NAB2: variants seen among roughly 807,000 people sequenced by gnomAD.
NAB2 encodes the protein NGFI-A-binding protein 2.
NAB2 carries 9 observed loss-of-function variants against 44.2 expected under a neutral mutation model. The observed-to-expected ratio is 0.20, with a 90% CI of 0.12 to 0.36. NAB2 has a LOEUF of 0.36. Ranked by LOEUF, NAB2 falls within the 10% of genes least tolerant of loss-of-function variation. The pLI is 1.00. For synonymous variants in NAB2, 342 were observed against 291.0 expected, an observed-to-expected ratio of 1.18 and a Z score of -1.78; for missense variants, 514 against 709.0, an observed-to-expected ratio of 0.73 and a Z score of 3.12.
intron 1 of NAB2, among the ~76,000 whole-genome samples, 189 bp from the exon 2 acceptor site, chr12:57,090,936 T>C (rs1173876080): frequency 6.6e-6 from 1 of 152,220 alleles, no homozygotes. Context: ...CGGCACTGGC[T>C]TGTCCATGCC....
At chr12:57,092,111 C>G (rs1312304138) in intron 2 of NAB2, 113 bp downstream of exon 2, 1 of 1,451,122 alleles carries the variant, frequency 6.9e-7, no homozygotes, top group Non-Finnish European at 9.1e-7. Context: ...GACCAGGACC[C>G]CAGGCCCTGA....
chr12:57,092,489 C>G lies in NAB2; in HGVS notation c.999C>G (p.Asp333Glu). ...NEAAAQFCMR[D>E]NTLLLRRVEL... ...CTGCTGCCCAGTTCTGCATGAGGGACAACACGCTCTTATTACGGAGAGTGG... is the reference window on the plus strand; with the variant it reads ...CTGCTGCCCAGTTCTGCATGAGGGAGAACACGCTCTTATTACGGAGAGTGG... Residue 333 changes from aspartate to glutamate, a missense_variant, in exon 3 of 7, where the codon GAC becomes GAG. Asp to Glu is a conservative substitution (Grantham distance 45). Around this residue, in one of 5 missense-constraint regions of NAB2, gnomAD observed 53 missense variants for 108.5 expected, o/e 0.49. Coordinates refer to ENST00000300131, the MANE Select transcript of NAB2 (RefSeq NM_005967.4). The G allele has an allele frequency of 6.2e-7, 1 of 1,614,216 alleles. No homozygotes were observed. Among genetic ancestry groups the G allele is most frequent in the Non-Finnish European group, 8.5e-7 (1 of 1,180,032 alleles).
At chr12:57,093,701 G>T (rs961997639) in intron 6 of NAB2, 103 bp downstream of exon 6, 1 of 1,234,482 alleles carries the variant, frequency 8.1e-7, no homozygotes, top group East Asian at 2.8e-5. Context: ...GGATATAGTC[G>T]TCAGAGAGGG....
At chr12:57,094,130 G>C (rs1384579269) in intron 6 of NAB2, among the ~76,000 whole-genome samples, 1 of 151,976 alleles carries the variant, frequency 6.6e-6, no homozygotes, top group African/African-American at 2.4e-5. Flanking sequence ...TGGGAAGTGG[G>C]GGCGGGGACT....
At chr12:57,089,465 T>TGGGGGGGGGG in intron 1 of NAB2, 111 bp downstream of exon 1, 1 of 106,198 alleles carries the variant, frequency 9.4e-6, no homozygotes, top group Admixed American at 1.7e-4. Context: ...AGGACGGGGG[T>TGGGGGGGGGG]GGGGGGTGGA....
chr12:57,091,023 G>C lies in NAB2; in HGVS notation c.84-102G>C. The C allele has an allele frequency of 9.6e-7, 1 of 1,042,598 alleles. No individual in the cohort carries two copies. 64.6% of individuals were successfully genotyped at this position (1,042,598 alleles called of 1,614,324 possible). A position where few individuals can be genotyped will look rare whatever the true frequency, so the allele number is the denominator to read the frequency against. Reference sequence around the variant, plus strand: ...AGGATAGCATCCAAATGAGGGAGGGGAAGAAAAGCAGGCAGGAAAGAGGGA... The same window carrying C: ...AGGATAGCATCCAAATGAGGGAGGGCAAGAAAAGCAGGCAGGAAAGAGGGA... On this transcript the variant is annotated intron_variant, in intron 1 of 6. Coordinates refer to ENST00000300131, the MANE Select transcript of NAB2 (RefSeq NM_005967.4). This position sits in a 1 kb window ranked among gnomAD's most constrained non-coding sequence, Gnocchi z 7.3.
chr12:57,090,476 CAAATAAATAAATAAAT>C (rs71446599), intron 1 of NAB2, among the ~76,000 whole-genome samples: 3 of 150,390 alleles, frequency 2.0e-5, no homozygotes, highest in Non-Finnish European at 4.4e-5. Context: ...GACTCCGTCT[CAAATAAATAAATAAAT>C]AAATAAATAA....
In NAB2 at chr12:57,091,199, A is replaced by G. The variant is rs763303343; in HGVS notation, c.158A>G (p.Asn53Ser). ...CTGTACCGGGTCCTGCAGCGCGCCA[A>G]CCTCCTTTCCTACTATGAGACCTTC... ...LQLYRVLQRA[N>S]LLSYYETFIQ... is the part of the protein sequence containing the mutation. The change falls in exon 2 of 7, where the codon AAC (asparagine) becomes AGC (serine). Residue 53 changes from asparagine to serine, a missense_variant. Physicochemically the swap from Asn to Ser is conservative, Grantham distance 46. Transcript: ENST00000300131. This position sits in a 1 kb window ranked among gnomAD's most constrained non-coding sequence, Gnocchi z 7.3. The G allele has an allele frequency of 1.3e-6, 2 of 1,565,376 alleles. No individual in the cohort carries two copies. Among genetic ancestry groups the G allele is most frequent in the Non-Finnish European group, 1.7e-6 (2 of 1,151,042 alleles).
chr12:57,091,096 T>A lies in NAB2; in HGVS notation c.84-29T>A. ...ACCCAGTAGGGGGACTTGCACCGAC[T>A]GCCTCTCTCTTGTGCCCCTCCTTCT... On this transcript the variant is annotated intron_variant, in intron 1 of 6. Transcript: ENST00000300131. The surrounding 1 kb of genome is among the most constrained non-coding windows in gnomAD (Gnocchi z 7.3). 6.7e-7 allele frequency: 1 copy of A among 1,496,990 alleles called. No homozygotes were observed. The highest frequency in any genetic ancestry group is 8.9e-7 in the Non-Finnish European group (1 of 1,120,370). The allele number at this position is 1,496,990 out of a possible 1,614,324, so 92.7% of individuals were successfully genotyped here.
Position 57,089,215 on chromosome 12 carries a change from A to C in NAB2, c.-57A>C. On this transcript the variant is annotated 5_prime_UTR_variant, in exon 1 of 7. Transcript: ENST00000300131. ...GTGCGCGGGGAAGAGGGCAGCACGC[A>C]GCAGGCGCCGAGCGCCGGGCACCGA... 6.6e-7 allele frequency: 1 copy of C among 1,522,594 alleles called. No individual in the cohort carries two copies. 94.3% of individuals were successfully genotyped at this position (1,522,594 alleles called of 1,614,324 possible). A position where few individuals can be genotyped will look rare whatever the true frequency, so the allele number is the denominator to read the frequency against.
Position 57,091,040 on chromosome 12 carries a change from A to C in NAB2, c.84-85A>C. 1 of 1,192,982 alleles carries C rather than the reference A, an allele frequency of 8.4e-7. No homozygotes were observed. Among genetic ancestry groups the C allele is most frequent in the Non-Finnish European group, 1.2e-6 (1 of 859,016 alleles). The allele number at this position is 1,192,982 out of a possible 1,614,324, so 73.9% of individuals were successfully genotyped here. On this transcript the variant is annotated intron_variant, in intron 1 of 6. Coordinates refer to ENST00000300131, the MANE Select transcript of NAB2 (RefSeq NM_005967.4). This position sits in a 1 kb window ranked among gnomAD's most constrained non-coding sequence, Gnocchi z 7.3. ...AGGGAGGGGAAGAAAAGCAGGCAGG[A>C]AAGAGGGAACAATTGTTAGTGTGGG...
chr12:57,092,325 A>G (rs990294180), intron 2 of NAB2, 123 bp from the exon 3 acceptor site: 12 of 1,423,852 alleles, frequency 8.4e-6, no homozygotes, highest in Non-Finnish European at 1.1e-5. Flanking sequence ...ATGTAGTGTC[A>G]AAACCAAAGC....
In NAB2 at chr12:57,092,560, T is replaced by C; in HGVS notation, c.1070T>C (p.Leu357Ser). The change falls in exon 3 of 7, where the codon TTG (leucine) becomes TCG (serine). Residue 357 changes from leucine to serine, a missense_variant. Leu to Ser is a moderately radical substitution (Grantham distance 145, BLOSUM62 -2). Around this residue, in one of 5 missense-constraint regions of NAB2, gnomAD observed 53 missense variants for 108.5 expected, o/e 0.49. Transcript: ENST00000300131. ...SRQVARESTY[L>S]SSLKGSRLHP... ...CAAGTAGCCCGAGAGAGCACCTACTTGTCCTCCTTGAAGGGCTCCAGGTGA... is the reference window on the plus strand; with the variant it reads ...CAAGTAGCCCGAGAGAGCACCTACTCGTCCTCCTTGAAGGGCTCCAGGTGA... The C allele has an allele frequency of 6.2e-7, 1 of 1,614,210 alleles. No homozygotes were observed.
Position 57,091,168 on chromosome 12 carries a change from C to T in NAB2, c.127C>T (p.Leu43=). ...AMALPRTLGE[L]QLYRVLQRAN... The stretch of plus-strand genomic sequence containing the variant: ...GGCACTGCCTCGGACGCTGGGGGAG[C>T]TGCAGCTGTACCGGGTCCTGCAGCG... Residue 43 remains leucine, a synonymous_variant, in exon 2 of 7, where the codon CTG becomes TTG. Transcript: ENST00000300131. The surrounding 1 kb of genome is among the most constrained non-coding windows in gnomAD (Gnocchi z 7.3). 1 of 1,533,050 alleles carries T rather than the reference C, an allele frequency of 6.5e-7. No individual in the cohort carries two copies. Among genetic ancestry groups the T allele is most frequent in the South Asian group, 1.3e-5 (1 of 79,150 alleles). The allele number at this position is 1,533,050 out of a possible 1,614,324, so 95.0% of individuals were successfully genotyped here.
chr12:57,093,443 C>A lies in NAB2; in HGVS notation c.1313C>A (p.Ala438Asp). Reference protein sequence around the residue: ...GSCPRLTPPPADLPLALPAHG... With the variant: ...GSCPRLTPPPDDLPLALPAHG... ...TGTCCAAGGCTGACGCCGCCCCCTG[C>A]TGACCTGCCTCTGGCATTGCCAGCC... The change falls in exon 6 of 7, where the codon GCT (alanine) becomes GAT (aspartate). Residue 438 changes from alanine (A) to aspartate (D), a missense_variant. Ala to Asp is a moderately radical substitution (Grantham distance 126). Transcript: ENST00000300131. 1 of 1,597,198 alleles carries A rather than the reference C, an allele frequency of 6.3e-7. No homozygotes were observed.
At chr12:57,093,011 C>G in intron 4 of NAB2, 43 bp downstream of exon 4, 1 of 1,614,124 alleles carries the variant, frequency 6.2e-7, no homozygotes, top group Non-Finnish European at 8.5e-7. Flanking sequence ...GGCAGCCTTC[C>G]CCAATCCCCT....
chr12:57,092,089 T>C (rs1001081235), intron 2 of NAB2, 91 bp downstream of exon 2: 14 of 1,496,580 alleles, frequency 9.4e-6, no homozygotes, highest in African/African-American at 1.4e-5. Context: ...CGACTATCTT[T>C]CATTATCTCT....
chr12:57,094,851 C>T lies in NAB2; in HGVS notation c.*130C>T. 1 of 708,084 alleles carries T rather than the reference C, an allele frequency of 1.4e-6. No homozygotes were observed. The highest frequency in any genetic ancestry group is 2.3e-6 in the Non-Finnish European group (1 of 426,682). 43.9% of individuals were successfully genotyped at this position (708,084 alleles called of 1,614,324 possible). ...TGCCCTTCTCCTGCCTCCCCACCTG[C>T]TCCATGGGCATAAGACTGTGGGGCT... On this transcript the variant is annotated 3_prime_UTR_variant, in exon 7 of 7. Coordinates refer to ENST00000300131, the MANE Select transcript of NAB2 (RefSeq NM_005967.4).
intron 6 of NAB2, among the ~76,000 whole-genome samples, chr12:57,093,911 A>C (rs1480989182): frequency 6.6e-6 from 1 of 152,138 alleles, no homozygotes; most frequent in Non-Finnish European, 1.5e-5. Context: ...CACTTCCACC[A>C]ACCCAGGAGT....
Sources: allele counts gnomAD v4.1 joint callset (sites outside exome capture counted in the v4.1 genomes callset), GRCh38; gene constraint gnomAD v4.1.1; regional missense constraint gnomAD v4.1.1; non-coding constraint Gnocchi (gnomAD v3.1); transcripts MANE v1.5; gene names NCBI Gene and HGNC (gene_info 2026-07-23, HGNC 2026-07-21).